LARP4B: variants seen among roughly 807,000 people sequenced by gnomAD.
LARP4B encodes the protein La ribonucleoprotein 4B.
In LARP4B, 12 loss-of-function variants were observed where a neutral mutation model predicts 89.8. The observed-to-expected ratio is 0.13, with a 90% CI of 0.09 to 0.22. LARP4B has a LOEUF of 0.22. Ranked by LOEUF, LARP4B falls within the 10% of genes least tolerant of loss-of-function variation. The pLI is 1.00. For missense variants in LARP4B, 757 were observed against 947.7 expected (o/e 0.80, Z 2.64); for synonymous variants, 367 against 363.3 (o/e 1.01, Z -0.12).
At chr10:985,745 T>C in the LARP4B span, 4 of 152,242 alleles carry the variant, frequency 2.6e-5, no homozygotes, top group African/African-American at 9.6e-5. Context: ...TACTTGAGTA[T>C]TGCAGAAGCT....
chr10:968,220 C>G, the LARP4B span, among the ~76,000 whole-genome samples: 1 of 152,138 alleles, frequency 6.6e-6, no homozygotes, highest in African/African-American at 2.4e-5. Context: ...TTGTACTAAC[C>G]ATACTGAGCT....
chr10:934,161 A>G (rs985082842), upstream of LARP4B, among the ~76,000 whole-genome samples: 2 of 151,852 alleles, frequency 1.3e-5, no homozygotes, highest in East Asian at 2.0e-4. Context: ...TTTTTTGTCT[A>G]TGTCTACATT....
At chr10:947,973 AC>A in the LARP4B span, among the ~76,000 whole-genome samples, 1 of 152,072 alleles carries the variant, frequency 6.6e-6, no homozygotes, top group African/African-American at 2.4e-5. Context: ...CTGAAAACTT[AC>A]CACGCTGAAA....
chr10:937,233 A>C, the LARP4B span, among the ~76,000 whole-genome samples: 3 of 152,036 alleles, frequency 2.0e-5, no homozygotes, highest in African/African-American at 7.2e-5. Context: ...TGTAGAGACG[A>C]GGTTTCATCA....
At chr10:967,930 G>A in the LARP4B span, among the ~76,000 whole-genome samples, 35 of 152,228 alleles carry the variant, frequency 2.3e-4, no homozygotes, top group Non-Finnish European at 2.2e-4. Flanking sequence ...TCGAACTCCC[G>A]ACCTCAGGCG....
intron 15 of LARP4B, among the ~76,000 whole-genome samples, chr10:817,330 CCTT>C (rs1451580870): frequency 5.3e-5 from 8 of 152,228 alleles, no homozygotes; most frequent in Non-Finnish European, 1.2e-4. Flanking sequence ...GCTTCTTGCT[CCTT>C]GTCTCATGTA....
the LARP4B span, among the ~76,000 whole-genome samples, chr10:939,898 C>T: frequency 4.7e-3 from 710 of 152,248 alleles, 3 homozygotes; most frequent in African/African-American, 0.014. Context: ...GGCTAAAGTG[C>T]GCAGTGGTGT....
At chr10:870,607 G>A (rs770904669) in intron 3 of LARP4B, among the ~76,000 whole-genome samples, 2 of 152,166 alleles carry the variant, frequency 1.3e-5, no homozygotes, top group Admixed American at 6.5e-5. Flanking sequence ...TGGACTTGGC[G>A]TTTCCTTCTT....
chr10:879,879 T>A (rs1317100404), intron 3 of LARP4B, among the ~76,000 whole-genome samples: 3 of 152,180 alleles, frequency 2.0e-5, no homozygotes, highest in East Asian at 1.9e-4. Context: ...GTTCAAGCGA[T>A]TCTCCTGTCT....
chr10:926,920 G>C (rs535482696), intron 1 of LARP4B, among the ~76,000 whole-genome samples: 32 of 151,986 alleles, frequency 2.1e-4, no homozygotes, highest in Non-Finnish European at 3.7e-4. Context: ...CCTGTATGTA[G>C]TCCCAGCTAC....
At chr10:893,253 T>C (rs1564434499) in intron 1 of LARP4B, among the ~76,000 whole-genome samples, 1 of 152,100 alleles carries the variant, frequency 6.6e-6, no homozygotes, top group African/African-American at 2.4e-5. Context: ...AGTAGGCTTG[T>C]TCTTTGAGGT....
chr10:839,812 G>A (rs1833430940), intron 7 of LARP4B, among the ~76,000 whole-genome samples: 1 of 152,158 alleles, frequency 6.6e-6, no homozygotes, highest in African/African-American at 2.4e-5. Flanking sequence ...CCAAGAGAGA[G>A]GGAAGCACAT....
At chr10:880,839 G>A (rs1419041476) in intron 3 of LARP4B, among the ~76,000 whole-genome samples, 1 of 152,130 alleles carries the variant, frequency 6.6e-6, no homozygotes, top group Non-Finnish European at 1.5e-5. Context: ...TTCTGAGGAG[G>A]TAATTTAACA....
intron 8 of LARP4B, 113 bp downstream of exon 8, chr10:836,290 T>C: frequency 2.9e-6 from 2 of 679,310 alleles, no homozygotes; most frequent in South Asian, 3.7e-5. Context: ...TTAATGTAAG[T>C]ACTCAGTCTA....
chr10:938,326 C>A, the LARP4B span, among the ~76,000 whole-genome samples: 1 of 150,846 alleles, frequency 6.6e-6, no homozygotes, highest in Non-Finnish European at 1.5e-5. Context: ...TTTGGGCTCA[C>A]TACAAGCTCC....
chr10:977,917 G>C, the LARP4B span, among the ~76,000 whole-genome samples: 1 of 152,104 alleles, frequency 6.6e-6, no homozygotes, highest in African/African-American at 2.4e-5. Flanking sequence ...CACTGGGTGT[G>C]GGGGTGGGTG....
chr10:956,328 T>A, the LARP4B span, among the ~76,000 whole-genome samples: 1 of 151,900 alleles, frequency 6.6e-6, no homozygotes, highest in African/African-American at 2.4e-5. The surrounding 1 kb of genome is among the most constrained non-coding windows in gnomAD (Gnocchi z 4.3). Flanking sequence ...AGCAGTGTTG[T>A]CTCACTCAGA....
chr10:958,754 A>C, the LARP4B span, among the ~76,000 whole-genome samples: 1 of 152,226 alleles, frequency 6.6e-6, no homozygotes, highest in East Asian at 1.9e-4. Context: ...TTTCTCCTGT[A>C]AATGGTACAG....
At chr10:926,943 G>A (rs1198912287) in intron 1 of LARP4B, among the ~76,000 whole-genome samples, 1 of 152,148 alleles carries the variant, frequency 6.6e-6, no homozygotes, top group East Asian at 1.9e-4. Flanking sequence ...AGGAGGCTGA[G>A]GCAGGGGAAT....
Sources: gnomAD v4.1 joint callset for allele counts (sites outside exome capture counted in the v4.1 genomes callset) on GRCh38, gnomAD v4.1.1 for gene constraint, Gnocchi (gnomAD v3.1) non-coding constraint, MANE v1.5 for transcripts, NCBI Gene and HGNC (gene_info 2026-07-23, HGNC 2026-07-21) for gene names.